Variants in BABAM2 observed in about 807,000 individuals in gnomAD.
The protein encoded by BABAM2 is BRISC and BRCA1 A complex member 2.
Under a neutral mutation model 54.7 loss-of-function variants are expected in BABAM2, and 31 were observed. The ratio of observed to expected loss-of-function variants is 0.57; its 90% CI spans 0.43 to 0.77. The LOEUF (loss-of-function observed/expected upper bound fraction) is 0.77, where lower values mean the gene tolerates loss of function less well. BABAM2 is among the 30% of genes least tolerant of loss of function. The pLI is 0.00. For missense variants in BABAM2, 364 were observed against 455.8 expected (o/e 0.80, Z 1.83); for synonymous variants, 167 against 162.9 (o/e 1.03, Z -0.19).
At chr2:28,213,692 T>C (rs1162536399) in intron 7 of BABAM2, among the ~76,000 whole-genome samples, 1 of 152,124 alleles carries the variant, frequency 6.6e-6, no homozygotes, top group Non-Finnish European at 1.5e-5. Flanking sequence ...GTAATAGATA[T>C]GGAACATCAG....
chr2:28,142,479 G>A (rs1671150871), intron 7 of BABAM2, among the ~76,000 whole-genome samples: 2 of 152,106 alleles, frequency 1.3e-5, no homozygotes, highest in African/African-American at 2.4e-5. Context: ...AGTGGAAAAT[G>A]TACTTTACTG....
intron 7 of BABAM2, among the ~76,000 whole-genome samples, chr2:28,150,533 C>A (rs1671926624): frequency 6.6e-6 from 1 of 152,208 alleles, no homozygotes; most frequent in Non-Finnish European, 1.5e-5. Context: ...GAACTTGTAA[C>A]TAAGTGGAAC....
At chr2:28,150,036 A>T (rs574499792) in intron 7 of BABAM2, among the ~76,000 whole-genome samples, 1 of 152,324 alleles carries the variant, frequency 6.6e-6, no homozygotes, top group South Asian at 2.1e-4. Flanking sequence ...CTTGTCTCGA[A>T]TCTTAACCAT....
chr2:28,115,697 T>A (rs1241476120), intron 6 of BABAM2, among the ~76,000 whole-genome samples: 1 of 150,684 alleles, frequency 6.6e-6, no homozygotes, highest in Non-Finnish European at 1.5e-5. Context: ...AGATTTGGGG[T>A]TGGGGGATGT....
Position 28,240,005 on chromosome 2 carries a change from G to T in BABAM2, c.781-1318G>T, listed in dbSNP as rs184961043. On this transcript the variant is annotated intron_variant, in intron 8 of 11. Coordinates refer to ENST00000379624, the MANE Select transcript of BABAM2 (RefSeq NM_199191.3). Reference sequence around the variant, plus strand: ...TCAACCTGGACCTAATCACCCTTTAGCTCTAATTTCTAATTTATTGGAAAT... The same window carrying T: ...TCAACCTGGACCTAATCACCCTTTATCTCTAATTTCTAATTTATTGGAAAT... Among the ~76,000 whole-genome samples, 70 of 152,064 alleles carry T rather than the reference G, an allele frequency of 4.6e-4. No homozygotes were observed. The East Asian group carries it at 5.4e-3, about 12-fold the overall frequency.
At chr2:28,213,231 A>AG (rs1679632156) in intron 7 of BABAM2, among the ~76,000 whole-genome samples, 1 of 152,166 alleles carries the variant, frequency 6.6e-6, no homozygotes. Context: ...GTCTCAAAAA[A>AG]AAAAAAAATT....
rs567062384 is a variant in BABAM2 at position 28,013,327 on chromosome 2, T to C, written c.301-11899T>C. 11 of 455,664 alleles carry C rather than the reference T, an allele frequency of 2.4e-5. No homozygotes were observed. The East Asian group carries it at 7.7e-4, about 32-fold the overall frequency. The allele number at this position is 455,664 out of a possible 1,614,324, so 28.2% of individuals were successfully genotyped here. The stretch of plus-strand genomic sequence containing the variant: ...TCATCTCTTGGTAGATATTTGAACA[T>C]GCCCTAGAATTCCTCTGTTAGTTGG... On this transcript the variant is annotated intron_variant, in intron 4 of 11. Transcript: ENST00000379624.
At chr2:28,236,952 A>G (rs1288289663) in intron 7 of BABAM2, among the ~76,000 whole-genome samples, 4 of 152,368 alleles carry the variant, frequency 2.6e-5, no homozygotes, top group Non-Finnish European at 5.9e-5. Flanking sequence ...ACATTTACCC[A>G]TGCCAATCAA....
chr2:27,951,058 G>T (rs1407639874), intron 3 of BABAM2, among the ~76,000 whole-genome samples: 4 of 152,070 alleles, frequency 2.6e-5, no homozygotes, highest in African/African-American at 9.7e-5. Flanking sequence ...TGCCAGTCTG[G>T]CTAGTGGTAA....
At chr2:28,047,775 G>A (rs1001661765) in intron 6 of BABAM2, among the ~76,000 whole-genome samples, 4 of 151,998 alleles carry the variant, frequency 2.6e-5, no homozygotes, top group African/African-American at 9.7e-5. Context: ...ATGTCCTTCT[G>A]GATCTTTAAA....
At chr2:27,907,748 G>A (rs1305409659) in intron 2 of BABAM2, among the ~76,000 whole-genome samples, 1 of 151,912 alleles carries the variant, frequency 6.6e-6, no homozygotes, top group African/African-American at 2.4e-5. Flanking sequence ...ACTACTTTAG[G>A]TACCTCACTT....
rs998302492 is a variant in BABAM2 at position 28,287,859 on chromosome 2, T to C, written c.935-10479T>C. 7.9e-5 allele frequency among the ~76,000 whole-genome samples: 12 copies of C among 152,198 alleles called. No homozygotes were observed. In the East Asian group the frequency reaches 2.3e-3, roughly 29 times the overall value. ...GTGCAGAGTTCACACCCGGCCCCTCTCCAGGAAATGTGGACCCTCAGTTCC... is the reference window on the plus strand; with the variant it reads ...GTGCAGAGTTCACACCCGGCCCCTCCCCAGGAAATGTGGACCCTCAGTTCC... On this transcript the variant is annotated intron_variant, in intron 10 of 11. Transcript: ENST00000379624.
chr2:27,953,529 T>C (rs1275887460), intron 3 of BABAM2, among the ~76,000 whole-genome samples: 1 of 151,916 alleles, frequency 6.6e-6, no homozygotes, highest in African/African-American at 2.4e-5. Context: ...TGGGCTCAAG[T>C]GATCCTCCCT....
Position 28,241,406 on chromosome 2 carries a change from C to T in BABAM2, c.851+13C>T, listed in dbSNP as rs1553348103. On this transcript the variant is annotated intron_variant, in intron 9 of 11. Coordinates refer to ENST00000379624, the MANE Select transcript of BABAM2 (RefSeq NM_199191.3). ...GTCACTTTGGCACGTAAGTTCTGCC[C>T]TGTTTGAACGATATACCGGTGATGC... 3 of 1,611,900 alleles carry T rather than the reference C, an allele frequency of 1.9e-6. No homozygotes were observed. Among genetic ancestry groups the T allele is most frequent in the South Asian group, 2.2e-5 (2 of 91,030 alleles).
chr2:28,160,781 A>G (rs1163111722), intron 7 of BABAM2, among the ~76,000 whole-genome samples: 1 of 151,074 alleles, frequency 6.6e-6, no homozygotes, highest in African/African-American at 2.4e-5. Flanking sequence ...GTGGGATGAA[A>G]TAGTGAGTGT....
At chr2:28,172,614 A>G (rs1674479668) in intron 7 of BABAM2, among the ~76,000 whole-genome samples, 1 of 152,156 alleles carries the variant, frequency 6.6e-6, no homozygotes, top group African/African-American at 2.4e-5. Flanking sequence ...TGTCTCAGCG[A>G]GGTGTGGCTG....
At chr2:28,216,758 C>G (rs547320249) in intron 7 of BABAM2, among the ~76,000 whole-genome samples, 1 of 152,310 alleles carries the variant, frequency 6.6e-6, no homozygotes, top group South Asian at 2.1e-4. Context: ...TTATAAAACC[C>G]TATCGTGGAT....
At chr2:28,163,980 G>T (rs758886017) in intron 7 of BABAM2, among the ~76,000 whole-genome samples, 29 of 152,178 alleles carry the variant, frequency 1.9e-4, no homozygotes, top group Non-Finnish European at 1.8e-4. Context: ...AACTGAAGAT[G>T]AATTTTCTCA....
At chr2:27,974,499 A>G (rs1671453663) in intron 3 of BABAM2, among the ~76,000 whole-genome samples, 1 of 152,156 alleles carries the variant, frequency 6.6e-6, no homozygotes, top group African/African-American at 2.4e-5. Flanking sequence ...CTAATACAAG[A>G]TAAACTGTAT....
Sources: allele counts gnomAD v4.1 joint callset (sites outside exome capture counted in the v4.1 genomes callset), GRCh38; gene constraint gnomAD v4.1.1; transcripts MANE v1.5; gene names NCBI Gene and HGNC (gene_info 2026-07-23, HGNC 2026-07-21).